Variants in MAU2 observed in about 807,000 individuals in gnomAD.
MAU2 encodes the protein MAU2 sister chromatid cohesion factor.
In MAU2, 9 loss-of-function variants were observed where a neutral mutation model predicts 89.1. That is an observed-to-expected ratio of 0.10 (90% confidence interval 0.06 to 0.18). The LOEUF is 0.18. Ranked by LOEUF, MAU2 falls within the 10% of genes least tolerant of loss-of-function variation. MAU2 has a pLI of 1.00. For synonymous variants in MAU2, 357 were observed against 343.4 expected (o/e 1.04, Z -0.44); for missense variants, 425 against 803.5 (o/e 0.53, Z 5.69).
At position 19,321,006 on chromosome 19, in the gene MAU2, C is replaced by T; in HGVS notation, c.147C>T (p.His49=). 6.2e-7 allele frequency: 1 copy of T among 1,611,504 alleles called. No individual in the cohort carries two copies. The highest frequency in any genetic ancestry group is 1.3e-5 in the African/African-American group (1 of 74,942). Residue 49 remains histidine (H), a synonymous_variant, in exon 1 of 19, where the codon CAC becomes CAT. Transcript: ENST00000262815. ...SSPPKIRLCV[H]CLQAVFPFKP... Reference sequence around the variant, plus strand: ...CGCCCAAAATCCGCCTGTGCGTGCACTGCCTGCAGGCCGTGTTCCCCTTCA... The same window carrying T: ...CGCCCAAAATCCGCCTGTGCGTGCATTGCCTGCAGGCCGTGTTCCCCTTCA...
chr19:19,354,580 AG>A (rs2048156105), intron 17 of MAU2, 135 bp downstream of exon 17: 3 of 744,970 alleles, frequency 4.0e-6, no homozygotes, highest in African/African-American at 1.7e-5. Flanking sequence ...TAGCATGGGT[AG>A]GGGGTGCTCC....
At chr19:19,321,156 G>A (rs1397692392) in intron 1 of MAU2, 21 bp downstream of exon 1, 2 of 1,562,632 alleles carry the variant, frequency 1.3e-6, no homozygotes, top group Admixed American at 1.8e-5. Context: ...GCCGGGCCGC[G>A]AGGGAGGAGT....
At chr19:19,327,348 CAG>C (rs1051887934) in intron 1 of MAU2, among the ~76,000 whole-genome samples, 4 of 144,432 alleles carry the variant, frequency 2.8e-5, no homozygotes, top group African/African-American at 1.0e-4. Flanking sequence ...TATTTTGAGA[CAG>C]AGTCTCGCTC....
At chr19:19,354,504 GGCTGCTGGGCATGT>G in intron 17 of MAU2, 59 bp downstream of exon 17, 3 of 1,464,904 alleles carry the variant, frequency 2.0e-6, no homozygotes, top group Non-Finnish European at 2.8e-6. Context: ...CAGAGATCAA[GGCTGCTGGGCATGT>G]CCTGCTCAGC....
In MAU2 at chr19:19,355,622, G is replaced by A; in HGVS notation, c.1768-86G>A. 3 of 1,298,224 alleles carry A rather than the reference G, an allele frequency of 2.3e-6. No homozygotes were observed. In the South Asian group the frequency reaches 4.0e-5, roughly 17 times the overall value. The allele number at this position is 1,298,224 out of a possible 1,614,324, so 80.4% of individuals were successfully genotyped here. On this transcript the variant is annotated intron_variant, in intron 18 of 18. Coordinates refer to ENST00000262815, the MANE Select transcript of MAU2 (RefSeq NM_015329.4). ...GGAGAACAGAGTCCCGGCTGTGTGA[G>A]CAGCCCAAGGAAGGCAGCATTCCAA...
In MAU2 at chr19:19,345,412, T is replaced by A. The variant is rs1427829929; in HGVS notation, c.1221+43T>A. On this transcript the variant is annotated intron_variant, in intron 12 of 18. Coordinates refer to ENST00000262815, the MANE Select transcript of MAU2 (RefSeq NM_015329.4). This position sits in a 1 kb window ranked among gnomAD's most constrained non-coding sequence, Gnocchi z 4.9. ...CTTGCTGCTCGGGGCGGGCCACACT[T>A]CTGAGTAAGGAGTCGGGCGTGGTCT... 4 of 1,593,842 alleles carry A rather than the reference T, an allele frequency of 2.5e-6. No individual in the cohort carries two copies. The highest frequency in any genetic ancestry group is 3.4e-6 in the Non-Finnish European group (4 of 1,164,194).
chr19:19,348,842 C>A (rs2061717022), intron 13 of MAU2, 47 bp from the exon 14 acceptor site: 2 of 1,605,224 alleles, frequency 1.2e-6, no homozygotes, highest in Non-Finnish European at 1.7e-6. Context: ...GGGGACCTTT[C>A]TCCTGTGAAG....
chr19:19,340,970 C>T (rs1243782329), intron 6 of MAU2, 97 bp downstream of exon 6: 2 of 1,522,098 alleles, frequency 1.3e-6, no homozygotes, highest in African/African-American at 1.4e-5. Context: ...CTCTCCATGG[C>T]ATGGCCCCTT....
chr19:19,332,733 G>A (rs756924172), intron 1 of MAU2, among the ~76,000 whole-genome samples: 29 of 152,188 alleles, frequency 1.9e-4, no homozygotes, highest in Middle Eastern at 3.2e-3. Flanking sequence ...GACGGACGGA[G>A]CTGGCAGAGA....
Position 19,332,669 on chromosome 19 carries a change from A to C in MAU2, c.277-3049A>C, listed in dbSNP as rs865924991. Among the ~76,000 whole-genome samples, 15 of 152,268 alleles carry C rather than the reference A, an allele frequency of 9.9e-5. 1 individual carries two copies. In the Middle Eastern group the frequency reaches 0.02, roughly 207 times the overall value. On this transcript the variant is annotated intron_variant, in intron 1 of 18. Transcript: ENST00000262815. ...CTTCCCAGCTCACCAGTGCTCACTGAGAGCCTCCCCTTCCTCAGGGGAGAT... is the reference window on the plus strand; with the variant it reads ...CTTCCCAGCTCACCAGTGCTCACTGCGAGCCTCCCCTTCCTCAGGGGAGAT...
At chr19:19,337,359 T>C in intron 4 of MAU2, 94 bp downstream of exon 4, 1 of 967,748 alleles carries the variant, frequency 1.0e-6, no homozygotes, top group Non-Finnish European at 1.6e-6. Context: ...GAGTCCACGA[T>C]GCGCAGACCC....
intron 1 of MAU2, among the ~76,000 whole-genome samples, chr19:19,324,728 T>C (rs1265334050): frequency 6.6e-6 from 1 of 152,244 alleles, no homozygotes; most frequent in African/African-American, 2.4e-5. Context: ...CTGAGCCACA[T>C]GGTGCCCTCT....
At chr19:19,331,204 T>TAA (rs199942794) in intron 1 of MAU2, among the ~76,000 whole-genome samples, 29 of 143,036 alleles carry the variant, frequency 2.0e-4, no homozygotes, top group African/African-American at 5.1e-4. Context: ...ATTACAAAGT[T>TAA]AAAAAAAAAA....
At chr19:19,349,289 T>C in intron 15 of MAU2, 36 bp from the exon 16 acceptor site, 1 of 1,613,786 alleles carries the variant, frequency 6.2e-7, no homozygotes, top group Non-Finnish European at 8.5e-7. Flanking sequence ...CCAGGCCCCG[T>C]CCTGCAGTTA....
chr19:19,320,970 C>G lies in MAU2; in HGVS notation c.111C>G (p.Arg37=). Residue 37 remains arginine (R), a synonymous_variant, in exon 1 of 19, where the codon CGC becomes CGG. Coordinates refer to ENST00000262815, the MANE Select transcript of MAU2 (RefSeq NM_015329.4). ...LALLGFAEHF[R]TSSPPKIRLC... ...TTCTGGGCTTCGCTGAGCACTTCCG[C>G]ACTTCCAGCCCGCCCAAAATCCGCC... 1.2e-6 allele frequency: 2 copies of G among 1,602,840 alleles called. No individual in the cohort carries two copies. The highest frequency in any genetic ancestry group is 1.7e-6 in the Non-Finnish European group (2 of 1,174,870).
rs35247410 is a variant in MAU2, at chr19:19,326,721, C to CATATATAT, written c.276+5594_276+5601dup. Among the ~76,000 whole-genome samples, 26 of 81,002 alleles carry CATATATAT rather than the reference C, an allele frequency of 3.2e-4. 3 individuals carry two copies. Among genetic ancestry groups the CATATATAT allele is most frequent in the Non-Finnish European group, 5.5e-4 (22 of 39,774 alleles). 53.1% of individuals were successfully genotyped at this position (81,002 alleles called of 152,430 possible). A position where few individuals can be genotyped will look rare whatever the true frequency, so the allele number is the denominator to read the frequency against. On this transcript the variant is annotated intron_variant, in intron 1 of 18. Transcript: ENST00000262815. ...ATATATGTATATATATATATATATA[C>CATATATAT]ATATATATATATATACACAAAAATT... is the stretch of plus-strand genomic sequence containing the variant.
intron 12 of MAU2, 65 bp from the exon 13 acceptor site, chr19:19,347,215 C>G: frequency 2.1e-6 from 2 of 973,818 alleles, no homozygotes; most frequent in Admixed American, 3.5e-5. Context: ...TGTGGGTGCT[C>G]TGACACTGCC....
intron 1 of MAU2, among the ~76,000 whole-genome samples, chr19:19,335,409 G>A (rs967945499): frequency 6.6e-6 from 1 of 152,166 alleles, no homozygotes; most frequent in Non-Finnish European, 1.5e-5. Context: ...TCTGAGCTCT[G>A]TTCCTTTCTG....
chr19:19,338,975 T>A, intron 5 of MAU2, 36 bp downstream of exon 5: 1 of 1,524,920 alleles, frequency 6.6e-7, no homozygotes, highest in Non-Finnish European at 9.0e-7. Flanking sequence ...TCCTGCTCTG[T>A]TAACAGGAGG....
Sources: gnomAD v4.1 joint callset for allele counts (sites outside exome capture counted in the v4.1 genomes callset) on GRCh38, gnomAD v4.1.1 for gene constraint, Gnocchi (gnomAD v3.1) non-coding constraint, MANE v1.5 for transcripts, NCBI Gene and HGNC (gene_info 2026-07-23, HGNC 2026-07-21) for gene names.